Variants in NPAS3 observed in about 807,000 individuals in gnomAD.
NPAS3 encodes the protein neuronal PAS domain-containing protein 3.
In NPAS3, 14 loss-of-function variants were observed where a neutral mutation model predicts 73.1. The ratio of observed to expected loss-of-function variants is 0.19; its 90% CI spans 0.13 to 0.30. The LOEUF (loss-of-function observed/expected upper bound fraction) is 0.30, where lower values mean the gene tolerates loss of function less well. Among genes scored for constraint, NPAS3 ranks in the 10% least tolerant of loss-of-function variants. The probability of loss-of-function intolerance (pLI) is 1.00; values close to 1 mark genes in which losing one functional copy is unlikely to be tolerated. For missense variants in NPAS3, 1,096 were observed against 1,250.0 expected, an observed-to-expected ratio of 0.88 and a Z score of 1.86; for synonymous variants, 620 against 541.5, an observed-to-expected ratio of 1.14 and a Z score of -2.01.
At chr14:33,292,742 C>T (rs927163076) in intron 3 of NPAS3, among the ~76,000 whole-genome samples, 5 of 152,168 alleles carry the variant, frequency 3.3e-5, no homozygotes, top group African/African-American at 1.2e-4. Flanking sequence ...CTCCCTCTGA[C>T]CCTTCTTTTC....
At chr14:33,543,946 C>CATATAT (rs35154724) in intron 4 of NPAS3, among the ~76,000 whole-genome samples, 8 of 104,964 alleles carry the variant, frequency 7.6e-5, no homozygotes, top group Non-Finnish European at 1.3e-4. Context: ...TGGCAAAGTG[C>CATATAT]ATATATATAT....
intron 2 of NPAS3, among the ~76,000 whole-genome samples, chr14:33,187,643 C>T (rs1371700315): frequency 6.6e-6 from 1 of 152,072 alleles, no homozygotes; most frequent in Non-Finnish European, 1.5e-5. Context: ...CTATAGTGTG[C>T]AGTGATGGCA....
intron 2 of NPAS3, among the ~76,000 whole-genome samples, chr14:33,209,438 G>T (rs1390672340): frequency 3.9e-5 from 6 of 152,172 alleles, no homozygotes; most frequent in Non-Finnish European, 5.9e-5. Context: ...TCCCTGGGAA[G>T]GCTCCTCATT....
chr14:32,956,958 T>A (rs1437698246), intron 1 of NPAS3, among the ~76,000 whole-genome samples: 2 of 152,186 alleles, frequency 1.3e-5, no homozygotes, highest in Non-Finnish European at 2.9e-5. Flanking sequence ...AAAACCTTTC[T>A]ATTTTTCCAG....
intron 4 of NPAS3, among the ~76,000 whole-genome samples, chr14:33,419,215 A>T (rs2139005972): frequency 6.6e-6 from 1 of 152,054 alleles, no homozygotes; most frequent in East Asian, 1.9e-4. Flanking sequence ...ACTAAGGATA[A>T]TATGGTTAAG....
chr14:33,680,931 G>T, intron 6 of NPAS3: 1 of 401,480 alleles, frequency 2.5e-6, no homozygotes, highest in East Asian at 4.3e-5. Flanking sequence ...CATTATAGTA[G>T]TATGATTTTT....
intron 1 of NPAS3, among the ~76,000 whole-genome samples, chr14:33,049,012 T>C (rs1333673127): frequency 6.6e-6 from 1 of 152,194 alleles, no homozygotes; most frequent in Non-Finnish European, 1.5e-5. Flanking sequence ...TCAAAGCCAG[T>C]CTTGGGGCCA....
chr14:33,745,009 G>A (rs1354106241), intron 7 of NPAS3, among the ~76,000 whole-genome samples: 1 of 152,108 alleles, frequency 6.6e-6, no homozygotes, highest in Non-Finnish European at 1.5e-5. Context: ...GGGAGGCTGA[G>A]GCAAGAGGAT....
At chr14:33,032,962 ATT>A (rs2040043791) in intron 1 of NPAS3, among the ~76,000 whole-genome samples, 1 of 152,138 alleles carries the variant, frequency 6.6e-6, no homozygotes. Context: ...CAGACTGGAA[ATT>A]ACAATTTGTT....
intron 2 of NPAS3, among the ~76,000 whole-genome samples, chr14:33,085,286 CCACTT>C (rs754952675): frequency 4.6e-5 from 7 of 152,162 alleles, no homozygotes; most frequent in Non-Finnish European, 7.4e-5. Flanking sequence ...TATTTGTAGT[CCACTT>C]CACCTGTTTG....
intron 4 of NPAS3, among the ~76,000 whole-genome samples, chr14:33,377,077 CA>C (rs2046344060): frequency 6.6e-6 from 1 of 152,140 alleles, no homozygotes; most frequent in Non-Finnish European, 1.5e-5. Flanking sequence ...CTTTATTGAA[CA>C]TGACATAAAT....
chr14:33,163,867 C>T (rs2045016204), intron 2 of NPAS3, among the ~76,000 whole-genome samples: 2 of 152,104 alleles, frequency 1.3e-5, no homozygotes, highest in South Asian at 2.1e-4. Flanking sequence ...TGAGCTGTTC[C>T]ACATCAGTGC....
intron 2 of NPAS3, among the ~76,000 whole-genome samples, chr14:33,169,924 TCTTTA>T (rs1423553806): frequency 6.6e-6 from 1 of 152,252 alleles, no homozygotes; most frequent in Non-Finnish European, 1.5e-5. Context: ...GGAAAACTTT[TCTTTA>T]CATCAGTGAA....
intron 3 of NPAS3, among the ~76,000 whole-genome samples, chr14:33,308,527 T>TACAC (rs1555371843): frequency 8.7e-5 from 9 of 103,732 alleles, no homozygotes; most frequent in African/African-American, 9.3e-5. Context: ...TATATATATA[T>TACAC]ACATACACAC....
chr14:33,505,585 T>G (rs1156324388), intron 4 of NPAS3, among the ~76,000 whole-genome samples: 1 of 151,970 alleles, frequency 6.6e-6, no homozygotes, highest in Non-Finnish European at 1.5e-5. Flanking sequence ...GGGTTAAAAA[T>G]TACTTACCAA....
chr14:33,666,647 T>A (rs1949104450), intron 5 of NPAS3, among the ~76,000 whole-genome samples: 1 of 152,116 alleles, frequency 6.6e-6, no homozygotes, highest in African/African-American at 2.4e-5. Context: ...GTTGTCATAT[T>A]TTTTTTCATA....
chr14:33,053,011 C>A (rs1349739543), intron 1 of NPAS3, among the ~76,000 whole-genome samples: 2 of 152,140 alleles, frequency 1.3e-5, no homozygotes, highest in African/African-American at 4.8e-5. Context: ...TATGAACTAG[C>A]CTGTTTTCAA....
At chr14:33,655,846 C>T (rs774851569) in intron 5 of NPAS3, among the ~76,000 whole-genome samples, 1 of 152,046 alleles carries the variant, frequency 6.6e-6, no homozygotes. Flanking sequence ...CTCAAAAAAC[C>T]ACAAAGTTGG....
At chr14:33,103,359 T>A (rs943210532) in intron 2 of NPAS3, among the ~76,000 whole-genome samples, 9 of 152,138 alleles carry the variant, frequency 5.9e-5, no homozygotes, top group Non-Finnish European at 1.3e-4. Flanking sequence ...AGCTCTGCCA[T>A]TGCATCATGT....
Sources: allele counts gnomAD v4.1 joint callset (sites outside exome capture counted in the v4.1 genomes callset), GRCh38; gene constraint gnomAD v4.1.1; transcripts MANE v1.5; gene names NCBI Gene and HGNC (gene_info 2026-07-23, HGNC 2026-07-21).